The following ABLIM3 variants were observed in gnomAD, a reference collection of about 807,000 sequenced individuals.
ABLIM3 encodes actin-binding LIM protein 3.
In ABLIM3, 61 loss-of-function variants were observed where a neutral mutation model predicts 109.5. That is an observed-to-expected ratio of 0.56 (90% CI 0.45 to 0.69). The LOEUF (loss-of-function observed/expected upper bound fraction) is 0.69. Among genes scored for constraint, ABLIM3 ranks in the 30% least tolerant of loss-of-function variants. The probability of loss-of-function intolerance (pLI) is 0.00; values close to 1 mark genes in which losing one functional copy is unlikely to be tolerated. For missense variants in ABLIM3, 796 were observed against 889.5 expected (o/e 0.89, Z 1.34); for synonymous variants, 300 against 324.8 (o/e 0.92, Z 0.82).
In ABLIM3 at chr5:149,259,426, T is replaced by C. The variant is rs1261357369; in HGVS notation, c.*1022T>C. 2.6e-6 allele frequency: 4 copies of C among 1,514,456 alleles called. No individual in the cohort carries two copies. Among genetic ancestry groups the C allele is most frequent in the African/African-American group, 2.8e-5 (2 of 72,486 alleles). 93.8% of individuals were successfully genotyped at this position (1,514,456 alleles called of 1,614,324 possible). ...CTCTCATCATCCTCCAGAGAGAAAA[T>C]AGGCCGTGTCTCAAAGAAAGGTTCT... On this transcript the variant is annotated 3_prime_UTR_variant, in exon 24 of 24. Transcript: ENST00000309868.
chr5:149,205,267 A>G (rs1371949886), intron 5 of ABLIM3, among the ~76,000 whole-genome samples: 1 of 152,202 alleles, frequency 6.6e-6, no homozygotes, highest in Non-Finnish European at 1.5e-5. Context: ...GGCAGAGTGG[A>G]CTTCCTCACC....
In ABLIM3 at chr5:149,259,265, C is replaced by G; in HGVS notation, c.*861C>G. ...TCACTGCTCCCAGCACCTCCTGACC[C>G]TTCCCTCTTTCAAGGAGAAGCCCAT... On this transcript the variant is annotated 3_prime_UTR_variant, in exon 24 of 24. Transcript: ENST00000309868. 2 of 1,320,976 alleles carry G rather than the reference C, an allele frequency of 1.5e-6. No homozygotes were observed. The highest frequency in any genetic ancestry group is 1.9e-6 in the Non-Finnish European group (2 of 1,032,220). 81.8% of individuals were successfully genotyped at this position (1,320,976 alleles called of 1,614,324 possible). A position where few individuals can be genotyped will look rare whatever the true frequency, so the allele number is the denominator to read the frequency against.
At chr5:149,144,230 C>A (rs2127424293) in intron 2 of ABLIM3, among the ~76,000 whole-genome samples, 1 of 152,288 alleles carries the variant, frequency 6.6e-6, no homozygotes, top group Admixed American at 6.5e-5. Flanking sequence ...GCCTTGGAAG[C>A]CCTCCGGGTT....
rs1175268441 is a variant in ABLIM3, at chr5:149,212,554, AG to A, written c.669+1736del. Among the ~76,000 whole-genome samples, 5 of 152,336 alleles carry A rather than the reference AG, an allele frequency of 3.3e-5. No individual in the cohort carries two copies. The East Asian group carries it at 9.7e-4, about 29-fold the overall frequency. On this transcript the variant is annotated intron_variant, in intron 7 of 23. Transcript: ENST00000309868. ...GCAGGAAGGACTCAAGAGGTACAGT[AG>A]CAATGGAGAGGGAAGCCACCCTTGT...
At chr5:149,145,810 A>T (rs1467301330) in intron 2 of ABLIM3, among the ~76,000 whole-genome samples, 2 of 149,342 alleles carry the variant, frequency 1.3e-5, no homozygotes, top group Admixed American at 1.3e-4. Flanking sequence ...TTTTGAGATA[A>T]GGTCTGGCTC....
In ABLIM3 at chr5:149,260,469, G is replaced by A. The variant is rs1754803345; in HGVS notation, c.*2065G>A. On this transcript the variant is annotated 3_prime_UTR_variant, in exon 24 of 24. Coordinates refer to ENST00000309868, the MANE Select transcript of ABLIM3 (RefSeq NM_014945.5). ...TGTGCTTCTGTTGTTTCTTGTGTGG[G>A]AGTGGAAATGACTGACATGGGAAGA... The A allele has an allele frequency of 3.3e-5, 5 of 152,488 alleles. No homozygotes were observed. The South Asian group carries it at 1.0e-3, about 32-fold the overall frequency. The allele number at this position is 152,488 out of a possible 1,614,324, so 9.4% of individuals were successfully genotyped here.
chr5:149,155,746 G>A (rs891509397), intron 2 of ABLIM3, among the ~76,000 whole-genome samples: 2 of 152,194 alleles, frequency 1.3e-5, no homozygotes, highest in African/African-American at 2.4e-5. Flanking sequence ...AGCCCTCATC[G>A]GGAACTGTTA....
chr5:149,233,131 T>A, intron 9 of ABLIM3, 98 bp from the exon 10 acceptor site: 2 of 1,003,922 alleles, frequency 2.0e-6, no homozygotes, highest in Non-Finnish European at 3.2e-6. Flanking sequence ...AGTACTTTAA[T>A]GGTATTGCTA....
intron 9 of ABLIM3, among the ~76,000 whole-genome samples, chr5:149,231,223 A>G (rs1040379391): frequency 5.9e-5 from 9 of 152,316 alleles, no homozygotes; most frequent in Admixed American, 1.3e-4. Context: ...GTAACAAAGC[A>G]CAGCCGACAT....
chr5:149,258,262 C>T (rs1431668457), intron 23 of ABLIM3, 29 bp from the exon 24 acceptor site: 4 of 1,603,522 alleles, frequency 2.5e-6, no homozygotes, highest in Non-Finnish European at 2.6e-6. Context: ...TCTCTGTCCC[C>T]CCACCCCCGC....
chr5:149,198,730 G>A lies in ABLIM3; in HGVS notation c.335+328G>A, dbSNP rs1356203890. 6.6e-6 allele frequency among the ~76,000 whole-genome samples: 1 copy of A among 152,156 alleles called. No individual in the cohort carries two copies. ...ACTGATTCTCTCAGAACTCAGTTTG[G>A]AAACTGTGGATCTGGCCCATCCTCC... On this transcript the variant is annotated intron_variant, in intron 4 of 23. Coordinates refer to ENST00000309868, the MANE Select transcript of ABLIM3 (RefSeq NM_014945.5). The surrounding 1 kb of genome is among the most constrained non-coding windows in gnomAD (Gnocchi z 4.2).
rs567843779 is a variant in ABLIM3, at chr5:149,176,492, G to A, written c.14-6960G>A. ...CAGTTGAGCTTAGTGGTAAGAGCCC[G>A]GGTTTGAAAGTCAGACTGCTTGGGT... On this transcript the variant is annotated intron_variant, in intron 2 of 23. Coordinates refer to ENST00000309868, the MANE Select transcript of ABLIM3 (RefSeq NM_014945.5). 1.7e-4 allele frequency among the ~76,000 whole-genome samples: 26 copies of A among 152,206 alleles called. 1 individual carries two copies. The highest frequency in any genetic ancestry group is 1.1e-3 in the Admixed American group (17 of 15,302).
rs147351594 is a variant in ABLIM3, at chr5:149,239,861, C to T, written c.1177C>T (p.Arg393Cys). Residue 393 changes from arginine to cysteine, a missense_variant, in exon 13 of 24, where the codon CGC (arginine) becomes TGC (cysteine). Coordinates refer to ENST00000309868, the MANE Select transcript of ABLIM3 (RefSeq NM_014945.5). ...GCAGGGCATGTCCCCCACCTTCTCC[C>T]GCTCACCTCACCACTACTACCGCTC... The part of the protein sequence containing the change: ...SRQGMSPTFS[R>C]SPHHYYRSGP... The T allele has an allele frequency of 3.5e-5, 56 of 1,610,164 alleles. No individual in the cohort carries two copies. The African/African-American group carries it at 4.3e-4, about 12-fold the overall frequency.
At chr5:149,252,477 A>G in intron 22 of ABLIM3, 1 of 550,370 alleles carries the variant, frequency 1.8e-6, no homozygotes. Flanking sequence ...TTAGACACTT[A>G]CATTCGGGAG....
In ABLIM3 at chr5:149,245,020, T is replaced by C; in HGVS notation, c.1486+5T>C. ...CCTACCATGGGTCCCCCAAAGGTAG[T>C]ACCCCCATAGGAGCCTGGGTCCAGG... On this transcript the variant is annotated splice_donor_5th_base_variant and intron_variant, in intron 16 of 23. Coordinates refer to ENST00000309868, the MANE Select transcript of ABLIM3 (RefSeq NM_014945.5). The C allele has an allele frequency of 6.2e-7, 1 of 1,614,178 alleles. No homozygotes were observed. Among genetic ancestry groups the C allele is most frequent in the Non-Finnish European group, 8.5e-7 (1 of 1,180,026 alleles).
At chr5:149,175,495 G>A (rs1755844312) in intron 2 of ABLIM3, among the ~76,000 whole-genome samples, 1 of 152,170 alleles carries the variant, frequency 6.6e-6, no homozygotes, top group Non-Finnish European at 1.5e-5. Flanking sequence ...CATGGGTAGG[G>A]AGGAGAATCT....
At chr5:149,248,049 T>G in intron 18 of ABLIM3, 120 bp downstream of exon 18, 6 of 1,283,772 alleles carry the variant, frequency 4.7e-6, no homozygotes, top group Non-Finnish European at 5.3e-6. Context: ...ATCCTCTCTC[T>G]TCTTCCTCAC....
At chr5:149,171,849 C>A (rs1191816906) in intron 2 of ABLIM3, among the ~76,000 whole-genome samples, 1 of 144,274 alleles carries the variant, frequency 6.9e-6, no homozygotes, top group Non-Finnish European at 1.5e-5. Context: ...GCCTCAATTT[C>A]TTCATTAGCA....
chr5:149,256,387 T>C (rs1456146627), intron 23 of ABLIM3, among the ~76,000 whole-genome samples: 1 of 152,206 alleles, frequency 6.6e-6, no homozygotes, highest in African/African-American at 2.4e-5. Flanking sequence ...GACTCTCCTA[T>C]CCAAGGTGTC....
Sources: gnomAD v4.1 joint callset for allele counts (sites outside exome capture counted in the v4.1 genomes callset) on GRCh38, gnomAD v4.1.1 for gene constraint, Gnocchi (gnomAD v3.1) non-coding constraint, MANE v1.5 for transcripts, NCBI Gene and HGNC (gene_info 2026-07-23, HGNC 2026-07-21) for gene names.